Variants in RXFP2 observed in about 807,000 individuals in gnomAD.
The protein encoded by RXFP2 is relaxin family peptide receptor 2.
Under a neutral mutation model 88.6 loss-of-function variants are expected in RXFP2, and 68 were observed. The observed-to-expected ratio is 0.77, with a 90% CI of 0.63 to 0.94. The LOEUF (loss-of-function observed/expected upper bound fraction) is 0.94. RXFP2 is among the 40% of genes least tolerant of loss of function. RXFP2 has a pLI of 0.00. For synonymous variants in RXFP2, 329 were observed against 306.8 expected, an observed-to-expected ratio of 1.07 and a Z score of -0.76; for missense variants, 791 against 893.9, an observed-to-expected ratio of 0.88 and a Z score of 1.47.
chr13:31,789,821 A>G (rs7322815), intron 14 of RXFP2, among the ~76,000 whole-genome samples: 142,750 of 152,282 alleles, frequency 0.94, 67,349 homozygotes, highest in Non-Finnish European at 0.99. Context: ...CAAGTTGGGT[A>G]CAGCAAGTGG....
intron 5 of RXFP2, among the ~76,000 whole-genome samples, chr13:31,771,047 A>C (rs1480874003): frequency 2.6e-5 from 4 of 152,212 alleles, no homozygotes; most frequent in African/African-American, 9.7e-5. Context: ...AGGCATCCCC[A>C]CAGGAGATGA....
At chr13:31,773,021 A>G (rs1047925055) in intron 5 of RXFP2, among the ~76,000 whole-genome samples, 1 of 152,192 alleles carries the variant, frequency 6.6e-6, no homozygotes, top group Admixed American at 6.5e-5. Context: ...ACAATACAGT[A>G]TTTTGCTCTT....
chr13:31,781,173 C>T (rs915266983), intron 9 of RXFP2, among the ~76,000 whole-genome samples: 6 of 152,122 alleles, frequency 3.9e-5, no homozygotes, highest in African/African-American at 1.4e-4. Flanking sequence ...TCAATGACGC[C>T]ACAGACATGG....
Position 31,778,499 on chromosome 13 carries a change from T to G in RXFP2, c.714-13T>G. 6.4e-7 allele frequency: 1 copy of G among 1,571,770 alleles called. No homozygotes were observed. Among genetic ancestry groups the G allele is most frequent in the Non-Finnish European group, 8.8e-7 (1 of 1,142,156 alleles). Reference sequence around the variant, plus strand: ...ATCATTTTATTTCTAATTAACATTTTCTTTGTGTAAAGGTCTATGGTTAAT... The same window carrying G: ...ATCATTTTATTTCTAATTAACATTTGCTTTGTGTAAAGGTCTATGGTTAAT... On this transcript the variant is annotated splice_polypyrimidine_tract_variant and intron_variant, in intron 8 of 17. Transcript: ENST00000298386.
intron 11 of RXFP2, among the ~76,000 whole-genome samples, chr13:31,783,393 A>G (rs1025790004): frequency 1.3e-5 from 2 of 152,248 alleles, no homozygotes; most frequent in African/African-American, 2.4e-5. Flanking sequence ...CATTACACAT[A>G]GCAGTGATTA....
chr13:31,788,744 A>G lies in RXFP2; in HGVS notation c.1074-378A>G, dbSNP rs144848212. Among the ~76,000 whole-genome samples the G allele has an allele frequency of 2.7e-3, 416 of 152,290 alleles. 6 individuals are homozygous for G. The highest frequency in any genetic ancestry group is 9.7e-3 in the African/African-American group (402 of 41,564). ...TCCAGATTCTCACAAAACTCACTTC[A>G]GTGATGCTCTCCGGTTGGAAAGATC... On this transcript the variant is annotated intron_variant, in intron 13 of 17. Transcript: ENST00000298386.
rs1874400107 is a variant in RXFP2 at position 31,802,487 on chromosome 13, T to C, written c.*82T>C. 1 of 1,444,968 alleles carries C rather than the reference T, an allele frequency of 6.9e-7. No individual in the cohort carries two copies. Among genetic ancestry groups the C allele is most frequent in the Non-Finnish European group, 9.7e-7 (1 of 1,035,334 alleles). 89.5% of individuals were successfully genotyped at this position (1,444,968 alleles called of 1,614,324 possible). A position where few individuals can be genotyped will look rare whatever the true frequency, so the allele number is the denominator to read the frequency against. ...TGGAAGATGACATCTGCAATGCTTTTCATCTTTACCAACGGCAAGCCTTTC... is the reference window on the plus strand; with the variant it reads ...TGGAAGATGACATCTGCAATGCTTTCCATCTTTACCAACGGCAAGCCTTTC... On this transcript the variant is annotated 3_prime_UTR_variant, in exon 18 of 18. Transcript: ENST00000298386.
In RXFP2 at chr13:31,739,718, A is replaced by G; in HGVS notation, c.94+12A>G. On this transcript the variant is annotated intron_variant, in intron 1 of 17. Coordinates refer to ENST00000298386, the MANE Select transcript of RXFP2 (RefSeq NM_130806.5). ...GATCAATGTCAAAGGTAAGGTTGCT[A>G]CTTTCTCGTTTTAAATGAGTGCAAT... 1 of 1,551,986 alleles carries G rather than the reference A, an allele frequency of 6.4e-7. No individual in the cohort carries two copies. The highest frequency in any genetic ancestry group is 8.9e-7 in the Non-Finnish European group (1 of 1,123,604).
chr13:31,770,003 A>G (rs191703969), intron 5 of RXFP2, among the ~76,000 whole-genome samples: 342 of 152,338 alleles, frequency 2.2e-3, no homozygotes, highest in African/African-American at 7.9e-3. Context: ...CTTCATCATC[A>G]TCCTTCAGAT....
chr13:31,767,892 TGACTTCTGGG>T (rs984193907), intron 5 of RXFP2, among the ~76,000 whole-genome samples: 21 of 152,168 alleles, frequency 1.4e-4, no homozygotes, highest in African/African-American at 4.3e-4. Flanking sequence ...TGGGGCAAGC[TGACTTCTGGG>T]GAGGGGGCGG....
chr13:31,789,876 T>C (rs551042713), intron 14 of RXFP2, among the ~76,000 whole-genome samples: 3 of 152,330 alleles, frequency 2.0e-5, no homozygotes, highest in African/African-American at 7.2e-5. Flanking sequence ...GAACATTTTG[T>C]TTATGTCTGT....
At chr13:31,789,260 T>C in intron 14 of RXFP2, 67 bp downstream of exon 14, 2 of 981,186 alleles carry the variant, frequency 2.0e-6, no homozygotes, top group South Asian at 1.3e-5. Flanking sequence ...CTGTAAACTG[T>C]CTAATGTATC....
In RXFP2 at chr13:31,742,996, C is replaced by CA. The variant is rs531220497; in HGVS notation, c.94+3296dup. ...CATTAGAGGCCTAATTATCTAAAAACAAAAAATAAACCTCTCATATGCTTT... is the reference window on the plus strand; with the variant it reads ...CATTAGAGGCCTAATTATCTAAAAACAAAAAAATAAACCTCTCATATGCTTT... On this transcript the variant is annotated intron_variant, in intron 1 of 17. Coordinates refer to ENST00000298386, the MANE Select transcript of RXFP2 (RefSeq NM_130806.5). 8.5e-4 allele frequency among the ~76,000 whole-genome samples: 130 copies of CA among 152,168 alleles called. 1 individual carries two copies. Among genetic ancestry groups the CA allele is most frequent in the African/African-American group, 2.7e-3 (112 of 41,544 alleles).
intron 7 of RXFP2, among the ~76,000 whole-genome samples, chr13:31,776,097 T>TTTCCTTCCTTCTTTC (rs1566227779): frequency 1.9e-4 from 21 of 112,816 alleles, no homozygotes; most frequent in African/African-American, 8.0e-4. Flanking sequence ...TCTTTCTTTC[T>TTTCCTTCCTTCTTTC]TTTCTTTTCT....
chr13:31,767,307 T>A (rs1872586433), intron 5 of RXFP2, among the ~76,000 whole-genome samples: 1 of 152,210 alleles, frequency 6.6e-6, no homozygotes, highest in South Asian at 2.1e-4. Flanking sequence ...CTCTCAGACC[T>A]GTTGCTTCAT....
intron 4 of RXFP2, among the ~76,000 whole-genome samples, 194 bp from the exon 5 acceptor site, chr13:31,765,762 T>C (rs1872524453): frequency 6.6e-6 from 1 of 152,238 alleles, no homozygotes; most frequent in Non-Finnish European, 1.5e-5. Flanking sequence ...ATTTGTCAAA[T>C]ACTCACAAGC....
chr13:31,780,379 TC>T (rs1873209641), intron 9 of RXFP2, among the ~76,000 whole-genome samples: 1 of 66,944 alleles, frequency 1.5e-5, no homozygotes. Flanking sequence ...AAAGTGTCCT[TC>T]TTCGGAGAAC....
At chr13:31,757,911 G>A (rs1026728959) in intron 1 of RXFP2, among the ~76,000 whole-genome samples, 6 of 152,074 alleles carry the variant, frequency 3.9e-5, no homozygotes, top group African/African-American at 1.2e-4. Flanking sequence ...GGCCAACATG[G>A]TGAAACCCCG....
chr13:31,757,456 C>T (rs974168527), intron 1 of RXFP2, among the ~76,000 whole-genome samples: 5 of 152,210 alleles, frequency 3.3e-5, no homozygotes, highest in Non-Finnish European at 5.9e-5. Flanking sequence ...CCAGTAGACA[C>T]GATAGATGAG....
Sources: allele counts gnomAD v4.1 joint callset (sites outside exome capture counted in the v4.1 genomes callset), GRCh38; gene constraint gnomAD v4.1.1; transcripts MANE v1.5; gene names NCBI Gene and HGNC (gene_info 2026-07-23, HGNC 2026-07-21).